RBM6: variants seen among roughly 807,000 people sequenced by gnomAD.
The protein encoded by RBM6 is RNA binding motif protein 6.
Under a neutral mutation model 140.4 loss-of-function variants are expected in RBM6, and 23 were observed. The ratio of observed to expected loss-of-function variants is 0.16; its 90% CI spans 0.12 to 0.23. RBM6 has a LOEUF of 0.23. Among genes scored for constraint, RBM6 ranks in the 10% least tolerant of loss-of-function variants. The probability of loss-of-function intolerance (pLI) is 1.00; values close to 1 mark genes in which losing one functional copy is unlikely to be tolerated. For synonymous variants in RBM6, 439 were observed against 475.6 expected, an observed-to-expected ratio of 0.92 and a Z score of 1.00; for missense variants, 1,139 against 1,386.7, an observed-to-expected ratio of 0.82 and a Z score of 2.84.
chr3:50,056,395 C>T (rs942323102), intron 8 of RBM6, among the ~76,000 whole-genome samples: 3 of 151,764 alleles, frequency 2.0e-5, no homozygotes, highest in Non-Finnish European at 4.4e-5. Context: ...CCCAGGTTCA[C>T]GCCATTCTCC....
intron 6 of RBM6, among the ~76,000 whole-genome samples, chr3:50,023,384 C>CA (rs1216253756): frequency 6.6e-6 from 1 of 152,142 alleles, no homozygotes; most frequent in Non-Finnish European, 1.5e-5. Context: ...CGGCTGACTG[C>CA]AACCTCCGCC....
At position 50,048,309 on chromosome 3, in the gene RBM6, A is replaced by G. The variant is rs746962949; in HGVS notation, c.1622A>G (p.Tyr541Cys). Residue 541 changes from tyrosine to cysteine, a missense_variant, in exon 7 of 21, where the codon TAC becomes TGC. Tyr to Cys is a radical substitution (Grantham distance 194). Coordinates refer to ENST00000266022, the MANE Select transcript of RBM6 (RefSeq NM_005777.3). ...LEYVSSLDFW[Y>C]CKRCKANIGG... ...TATGTATCAAGCCTGGATTTTTGGTACTGCAAACGAGTAAGTACCAAGAAT... is the reference window on the plus strand; with the variant it reads ...TATGTATCAAGCCTGGATTTTTGGTGCTGCAAACGAGTAAGTACCAAGAAT... The G allele has an allele frequency of 1.2e-6, 2 of 1,612,306 alleles. No homozygotes were observed. Among genetic ancestry groups the G allele is most frequent in the African/African-American group, 1.3e-5 (1 of 74,906 alleles).
chr3:50,018,015 T>C (rs1423672136), intron 6 of RBM6, among the ~76,000 whole-genome samples: 2 of 152,216 alleles, frequency 1.3e-5, no homozygotes, highest in African/African-American at 4.8e-5. Flanking sequence ...CAGTGTAGTG[T>C]ATATGTTACA....
chr3:49,995,299 C>T (rs1290010736), intron 5 of RBM6, among the ~76,000 whole-genome samples: 4 of 152,076 alleles, frequency 2.6e-5, no homozygotes, highest in African/African-American at 9.7e-5. Context: ...GGTGCGGTGG[C>T]TCACGCCTGT....
chr3:49,940,934 G>A (rs2083258452), intron 1 of RBM6: 1 of 142,326 alleles, frequency 7.0e-6, no homozygotes, highest in African/African-American at 2.6e-5. Context: ...TGTTTCGTAG[G>A]GTACATAAAC....
At chr3:49,994,011 T>A (rs2085952435) in intron 5 of RBM6, among the ~76,000 whole-genome samples, 1 of 152,232 alleles carries the variant, frequency 6.6e-6, no homozygotes, top group Non-Finnish European at 1.5e-5. Context: ...TGATGATAAT[T>A]TGACATATGA....
chr3:49,941,785 C>T (rs1313288410), intron 1 of RBM6, among the ~76,000 whole-genome samples: 1 of 150,886 alleles, frequency 6.6e-6, no homozygotes, highest in African/African-American at 2.4e-5. Flanking sequence ...CCAGGCTGGT[C>T]TTGAACTACT....
At chr3:50,068,279 T>C (rs1386217758) in intron 17 of RBM6, among the ~76,000 whole-genome samples, 1 of 152,200 alleles carries the variant, frequency 6.6e-6, no homozygotes, top group East Asian at 1.9e-4. Context: ...TTTGCAACTC[T>C]CAGAGCAGTC....
Position 49,999,444 on chromosome 3 carries a change from C to T in RBM6, c.1488C>T (p.Tyr496=). 1 of 1,613,354 alleles carries T rather than the reference C, an allele frequency of 6.2e-7. No individual in the cohort carries two copies. The highest frequency in any genetic ancestry group is 8.5e-7 in the Non-Finnish European group (1 of 1,179,420). Residue 496 remains tyrosine (Y), a synonymous_variant, in exon 6 of 21, where the codon TAC becomes TAT. Coordinates refer to ENST00000266022, the MANE Select transcript of RBM6 (RefSeq NM_005777.3). ...GTATTTAAATGCTGTCCCCAGGTTA[C>T]GACTATGGCTATGTCTGCGTGGAGT... ...NLQLKEYNTG[Y]DYGYVCVEFS... is the part of the protein sequence containing the mutation.
At chr3:50,049,849 C>CTTT (rs772819564) in intron 7 of RBM6, among the ~76,000 whole-genome samples, 3 of 136,568 alleles carry the variant, frequency 2.2e-5, no homozygotes, top group African/African-American at 2.7e-5. Context: ...CCTAGAACTT[C>CTTT]TTTTTTTTTT....
intron 19 of RBM6, 91 bp downstream of exon 19, chr3:50,070,643 G>A (rs920533204): frequency 3.2e-5 from 30 of 923,598 alleles, no homozygotes; most frequent in African/African-American, 2.1e-4. Flanking sequence ...TCTGTCTCAG[G>A]GAGATGATAT....
At chr3:50,061,880 A>G (rs888680478) in intron 14 of RBM6, 82 bp from the exon 15 acceptor site, 59 of 1,525,018 alleles carry the variant, frequency 3.9e-5, no homozygotes, top group Non-Finnish European at 5.1e-5. Flanking sequence ...CTTCCCCTAA[A>G]AGGGAACTGT....
In RBM6 at chr3:50,028,887, AC is replaced by A. The variant is rs547229633; in HGVS notation, c.1558-19351del. The stretch of plus-strand genomic sequence containing the variant: ...TTAATTTCTGTAAAATGTGGTCTTG[AC>A]CCCCCCAACCCAAGTGACCTCCTTA... On this transcript the variant is annotated intron_variant, in intron 6 of 20. Transcript: ENST00000266022. Among the ~76,000 whole-genome samples, 38 of 151,570 alleles carry A rather than the reference AC, an allele frequency of 2.5e-4. 1 individual carries two copies. In the East Asian group the frequency reaches 2.9e-3, roughly 12 times the overall value.
intron 5 of RBM6, among the ~76,000 whole-genome samples, chr3:49,990,341 C>T (rs2353579): frequency 0.48 from 72,519 of 151,930 alleles, 18,008 homozygotes; most frequent in African/African-American, 0.53. Context: ...TGAGACACAA[C>T]GGCATTTGTG....
chr3:50,037,819 CTTT>C (rs11328228), intron 6 of RBM6, among the ~76,000 whole-genome samples: 4 of 127,456 alleles, frequency 3.1e-5, no homozygotes, highest in Non-Finnish European at 3.3e-5. Context: ...CTTTTCTTTC[CTTT>C]TTTTTTTTTT....
intron 6 of RBM6, among the ~76,000 whole-genome samples, chr3:50,013,459 A>T (rs1208615892): frequency 1.3e-5 from 2 of 152,142 alleles, no homozygotes; most frequent in African/African-American, 4.8e-5. Flanking sequence ...TCACGAGGTC[A>T]AGAGATCAAG....
chr3:49,949,996 T>A (rs1394085780), intron 1 of RBM6, among the ~76,000 whole-genome samples: 1 of 152,138 alleles, frequency 6.6e-6, no homozygotes, highest in Admixed American at 6.6e-5. Context: ...GTGCTGAGAT[T>A]ACAGGCATGA....
chr3:50,072,043 C>CACTG (rs2090316377), intron 19 of RBM6, among the ~76,000 whole-genome samples: 1 of 139,132 alleles, frequency 7.2e-6, no homozygotes, highest in South Asian at 2.3e-4. Flanking sequence ...GAGATCATGC[C>CACTG]ACTGCACTCT....
intron 1 of RBM6, among the ~76,000 whole-genome samples, chr3:49,951,806 T>C (rs1417721283): frequency 6.6e-6 from 1 of 152,002 alleles, no homozygotes; most frequent in African/African-American, 2.4e-5. Flanking sequence ...CACTGCAACC[T>C]CCATCTCCCA....
Sources: gnomAD v4.1 joint callset for allele counts (sites outside exome capture counted in the v4.1 genomes callset) on GRCh38, gnomAD v4.1.1 for gene constraint, MANE v1.5 for transcripts, NCBI Gene and HGNC (gene_info 2026-07-23, HGNC 2026-07-21) for gene names.